The following PXDNL variants were observed in gnomAD, a reference collection of about 807,000 sequenced individuals.
The protein encoded by PXDNL is peroxidasin like.
A neutral mutation model predicts 150.8 loss-of-function variants in PXDNL; 145 were observed. The ratio of observed to expected loss-of-function variants is 0.96; its 90% CI spans 0.84 to 1.10. The LOEUF is 1.10. Ranked by LOEUF, PXDNL falls within the 50% of genes least tolerant of loss-of-function variation. PXDNL has a pLI of 0.00. For missense variants in PXDNL, 2,087 were observed against 1,873.9 expected (o/e 1.11, Z -2.10); for synonymous variants, 757 against 725.7 (o/e 1.04, Z -0.69).
At chr8:51,772,126 T>C (rs2037302711) in intron 1 of PXDNL, among the ~76,000 whole-genome samples, 2 of 151,958 alleles carry the variant, frequency 1.3e-5, no homozygotes, top group African/African-American at 4.8e-5. Flanking sequence ...ACACCATGTC[T>C]CACCTTCCTC....
intron 1 of PXDNL, among the ~76,000 whole-genome samples, chr8:51,681,192 G>T (rs1008819690): frequency 6.6e-6 from 1 of 152,034 alleles, no homozygotes; most frequent in Non-Finnish European, 1.5e-5. Flanking sequence ...AAAGAAGGAG[G>T]TTTCTTCAGA....
At chr8:51,714,786 C>T (rs1462861184) in intron 1 of PXDNL, among the ~76,000 whole-genome samples, 1 of 152,202 alleles carries the variant, frequency 6.6e-6, no homozygotes, top group African/African-American at 2.4e-5. Context: ...TCCATTCAGA[C>T]ACCTTTTTGC....
intron 4 of PXDNL, among the ~76,000 whole-genome samples, chr8:51,531,175 AGT>A (rs1423423542): frequency 2.0e-5 from 3 of 152,220 alleles, no homozygotes; most frequent in Admixed American, 2.0e-4. Flanking sequence ...TGCCCCCAAA[AGT>A]GTGTCAGCTA....
At chr8:51,584,132 G>A (rs974627865) in intron 3 of PXDNL, among the ~76,000 whole-genome samples, 7 of 152,112 alleles carry the variant, frequency 4.6e-5, no homozygotes, top group African/African-American at 1.4e-4. Flanking sequence ...TTTTTCTCAG[G>A]TAGTCAGCAT....
At chr8:51,429,085 A>C (rs1403067924) in intron 12 of PXDNL, among the ~76,000 whole-genome samples, 1 of 151,900 alleles carries the variant, frequency 6.6e-6, no homozygotes, top group African/African-American at 2.4e-5. Flanking sequence ...AAAGGTGCTA[A>C]AGATCAGAAG....
intron 2 of PXDNL, among the ~76,000 whole-genome samples, chr8:51,650,642 G>T (rs16916657): frequency 0.022 from 3,395 of 152,296 alleles, 68 homozygotes; most frequent in African/African-American, 0.049. Context: ...ATAGGCAGAA[G>T]ACTTGGTCTC....
At chr8:51,699,832 G>T (rs78779687) in intron 1 of PXDNL, among the ~76,000 whole-genome samples, 13,350 of 152,190 alleles carry the variant, frequency 0.088, 705 homozygotes, top group East Asian at 0.14. Flanking sequence ...GTAACAAATA[G>T]CTGGTCAAGT....
At chr8:51,723,062 C>T (rs1453210103) in intron 1 of PXDNL, among the ~76,000 whole-genome samples, 1 of 151,836 alleles carries the variant, frequency 6.6e-6, no homozygotes, top group Admixed American at 6.6e-5. Context: ...ATTTCTATAG[C>T]ATATACCTGC....
At chr8:51,702,952 C>G (rs905118267) in intron 1 of PXDNL, among the ~76,000 whole-genome samples, 5 of 152,156 alleles carry the variant, frequency 3.3e-5, no homozygotes, top group African/African-American at 1.2e-4. Flanking sequence ...TGGGTAGATT[C>G]CACATTTTTC....
chr8:51,749,935 G>A (rs1260734009), intron 1 of PXDNL, among the ~76,000 whole-genome samples: 1 of 152,074 alleles, frequency 6.6e-6, no homozygotes, highest in Non-Finnish European at 1.5e-5. Context: ...TTCTGACCTT[G>A]TGATCCTCCC....
At chr8:51,766,007 C>T (rs1376365664) in intron 1 of PXDNL, among the ~76,000 whole-genome samples, 1 of 152,080 alleles carries the variant, frequency 6.6e-6, no homozygotes, top group East Asian at 1.9e-4. Flanking sequence ...CCATGCCCGC[C>T]TAATTTTTTG....
intron 14 of PXDNL, among the ~76,000 whole-genome samples, chr8:51,421,361 T>C (rs887515950): frequency 6.6e-6 from 1 of 152,164 alleles, no homozygotes; most frequent in Admixed American, 6.5e-5. Context: ...AGGAAAATCA[T>C]GAACTCATAG....
chr8:51,652,236 T>TA (rs1815055129), intron 2 of PXDNL, among the ~76,000 whole-genome samples: 1 of 152,130 alleles, frequency 6.6e-6, no homozygotes, highest in Non-Finnish European at 1.5e-5. Flanking sequence ...ACTTTATTTT[T>TA]TAAAAAATGT....
At chr8:51,672,158 T>A (rs1815509594) in intron 1 of PXDNL, among the ~76,000 whole-genome samples, 1 of 152,146 alleles carries the variant, frequency 6.6e-6, no homozygotes, top group South Asian at 2.1e-4. Flanking sequence ...ATTTTTGTAT[T>A]TTTAATACAG....
At chr8:51,787,429 T>C (rs2037470669) in intron 1 of PXDNL, among the ~76,000 whole-genome samples, 1 of 152,190 alleles carries the variant, frequency 6.6e-6, no homozygotes, top group Admixed American at 6.5e-5. Context: ...AGTCAAAATA[T>C]CAACATTAAC....
At chr8:51,707,742 T>C (rs1002820340) in intron 1 of PXDNL, among the ~76,000 whole-genome samples, 4 of 152,214 alleles carry the variant, frequency 2.6e-5, no homozygotes, top group African/African-American at 9.6e-5. Flanking sequence ...TTGACTATTT[T>C]AGATTCTTCA....
intron 4 of PXDNL, among the ~76,000 whole-genome samples, chr8:51,544,699 A>G (rs932106391): frequency 4.6e-5 from 7 of 152,204 alleles, no homozygotes; most frequent in African/African-American, 1.7e-4. Flanking sequence ...TTTAGGGTCA[A>G]AGGCTATGTC....
intron 3 of PXDNL, among the ~76,000 whole-genome samples, chr8:51,558,632 C>T (rs568144686): frequency 6.6e-6 from 1 of 151,984 alleles, no homozygotes; most frequent in Non-Finnish European, 1.5e-5. Context: ...TAAAGGTTTC[C>T]CATAATATTT....
chr8:51,512,482 C>A (rs1178136416), intron 4 of PXDNL, among the ~76,000 whole-genome samples: 1 of 152,106 alleles, frequency 6.6e-6, no homozygotes, highest in African/African-American at 2.4e-5. Context: ...AGGGAGATGG[C>A]GGCATTGATT....
Sources: gnomAD v4.1 joint callset for allele counts (sites outside exome capture counted in the v4.1 genomes callset) on GRCh38, gnomAD v4.1.1 for gene constraint, MANE v1.5 for transcripts, NCBI Gene and HGNC (gene_info 2026-07-23, HGNC 2026-07-21) for gene names.